The following USO1 variants were observed in gnomAD, a reference collection of about 807,000 sequenced individuals.
The protein encoded by USO1 is general vesicular transport factor p115.
USO1 carries 57 observed loss-of-function variants against 124.5 expected under a neutral mutation model. That is an observed-to-expected ratio of 0.46 (90% CI 0.37 to 0.57). USO1 has a LOEUF of 0.57. Among genes scored for constraint, USO1 ranks in the 20% least tolerant of loss-of-function variants. USO1 has a pLI of 0.00. For synonymous variants in USO1, 369 were observed against 362.8 expected (o/e 1.02, Z -0.19); for missense variants, 900 against 1,040.6 (o/e 0.86, Z 1.86).
At position 75,724,864 on chromosome 4, in the gene USO1, C is replaced by T. The variant is rs529676091; in HGVS notation, c.45C>T (p.Pro15=). The change falls in exon 1 of 24, where the codon CCC becomes CCT. Residue 15 remains proline, a synonymous_variant. Coordinates refer to ENST00000514213, the MANE Select transcript of USO1 (RefSeq NM_003715.4). ...RGVMGGQSAG[P]QHTEAETIQK... ...TAATGGGGGGTCAGAGTGCCGGACC[C>T]CAGCACACAGAAGCCGAGACGGTGA... The T allele has an allele frequency of 1.2e-6, 2 of 1,613,708 alleles. No homozygotes were observed. Among genetic ancestry groups the T allele is most frequent in the Non-Finnish European group, 1.7e-6 (2 of 1,179,760 alleles).
At chr4:75,786,390 C>T (rs1722361325) in intron 9 of USO1, among the ~76,000 whole-genome samples, 1 of 152,084 alleles carries the variant, frequency 6.6e-6, no homozygotes, top group Admixed American at 6.6e-5. Flanking sequence ...AGATTTTGCA[C>T]ATATATATAC....
rs768442457 is a variant in USO1, at chr4:75,813,538, G to A, written c.*243G>A. On this transcript the variant is annotated 3_prime_UTR_variant, in exon 24 of 24. Coordinates refer to ENST00000514213, the MANE Select transcript of USO1 (RefSeq NM_003715.4). ...TGTCCCAAAATGTAATTTGCAAAGA[G>A]CTTCAAACACCAAAAATATACCATT... 22 of 305,764 alleles carry A rather than the reference G, an allele frequency of 7.2e-5. No individual in the cohort carries two copies. The highest frequency in any genetic ancestry group is 1.1e-4 in the Non-Finnish European group (19 of 171,786). The allele number at this position is 305,764 out of a possible 1,614,324, so 18.9% of individuals were successfully genotyped here.
At chr4:75,777,185 A>T (rs1722094345) in intron 8 of USO1, among the ~76,000 whole-genome samples, 1 of 152,200 alleles carries the variant, frequency 6.6e-6, no homozygotes. Context: ...ACTTAAATTT[A>T]ATTTTCAGCA....
intron 1 of USO1, among the ~76,000 whole-genome samples, chr4:75,733,935 ATTTTTTTTTTT>A (rs869308522): frequency 4.4e-4 from 34 of 77,088 alleles, no homozygotes; most frequent in African/African-American, 1.6e-3. Flanking sequence ...TTCTTCGAGG[ATTTTTTTTTTT>A]TTTTTTTTTT....
chr4:75,790,585 G>T, intron 11 of USO1, 58 bp from the exon 12 acceptor site: 1 of 1,550,762 alleles, frequency 6.4e-7, no homozygotes, highest in South Asian at 1.2e-5. Flanking sequence ...ACTAGTTATT[G>T]ACTTGTATAC....
chr4:75,779,982 T>C (rs1195440767), intron 8 of USO1, among the ~76,000 whole-genome samples: 1 of 152,174 alleles, frequency 6.6e-6, no homozygotes, highest in African/African-American at 2.4e-5. Flanking sequence ...TTGAAGCCAG[T>C]GCTCACTTAC....
At chr4:75,812,068 A>G in intron 22 of USO1, 92 bp from the exon 23 acceptor site, 1 of 1,524,678 alleles carries the variant, frequency 6.6e-7, no homozygotes, top group Admixed American at 2.2e-5. Flanking sequence ...GAACAAGTAC[A>G]GTGATTTGTC....
At chr4:75,729,045 C>G (rs1286284470) in intron 1 of USO1, among the ~76,000 whole-genome samples, 1 of 152,180 alleles carries the variant, frequency 6.6e-6, no homozygotes, top group East Asian at 1.9e-4. Flanking sequence ...ATCCGCCTGC[C>G]TTGGCCTCCC....
At chr4:75,803,380 G>T (rs186987971) in intron 17 of USO1, among the ~76,000 whole-genome samples, 1 of 151,766 alleles carries the variant, frequency 6.6e-6, no homozygotes, top group Non-Finnish European at 1.5e-5. Flanking sequence ...GGGCACGGTG[G>T]CTCACGCCTG....
Position 75,778,270 on chromosome 4 carries a change from G to A in USO1, c.676+3474G>A, listed in dbSNP as rs369590806. 5.3e-5 allele frequency among the ~76,000 whole-genome samples: 8 copies of A among 152,040 alleles called. 1 individual carries two copies. The highest frequency in any genetic ancestry group is 1.4e-4 in the African/African-American group (6 of 41,404). On this transcript the variant is annotated intron_variant, in intron 8 of 23. Coordinates refer to ENST00000514213, the MANE Select transcript of USO1 (RefSeq NM_003715.4). ...AGCAGTGGATTAATACATTTTGTACGTTGTATGTATTATATACTCGATTTT... is the reference window on the plus strand; with the variant it reads ...AGCAGTGGATTAATACATTTTGTACATTGTATGTATTATATACTCGATTTT...
intron 1 of USO1, among the ~76,000 whole-genome samples, chr4:75,737,052 G>T (rs1720812523): frequency 6.6e-6 from 1 of 152,170 alleles, no homozygotes; most frequent in South Asian, 2.1e-4. Flanking sequence ...TTGAGGATGT[G>T]GCTAGTGCTC....
At chr4:75,742,400 C>T (rs1720989881) in intron 1 of USO1, among the ~76,000 whole-genome samples, 1 of 152,148 alleles carries the variant, frequency 6.6e-6, no homozygotes, top group Non-Finnish European at 1.5e-5. Context: ...CCATTGTTGA[C>T]TTGAATGTCG....
intron 14 of USO1, 90 bp from the exon 15 acceptor site, chr4:75,800,261 C>G (rs13145290): frequency 0.6 from 834,339 of 1,399,378 alleles, 253,104 homozygotes; most frequent in East Asian, 0.83. Context: ...CTTATGGGAA[C>G]TCTTATGTGA....
intron 20 of USO1, 94 bp from the exon 21 acceptor site, chr4:75,808,859 T>C: frequency 7.3e-7 from 1 of 1,374,360 alleles, no homozygotes; most frequent in South Asian, 1.4e-5. Flanking sequence ...AAGTAGGAGG[T>C]TGTAAATCAT....
intron 3 of USO1, among the ~76,000 whole-genome samples, chr4:75,753,815 G>T (rs1423227100): frequency 7.9e-6 from 1 of 126,236 alleles, no homozygotes; most frequent in African/African-American, 3.1e-5. Flanking sequence ...ATTAAGTCTC[G>T]CTCTGTCGCC....
intron 1 of USO1, among the ~76,000 whole-genome samples, chr4:75,738,812 G>A (rs1409910085): frequency 6.6e-6 from 1 of 151,842 alleles, no homozygotes; most frequent in Non-Finnish European, 1.5e-5. Flanking sequence ...TATCCTTTAA[G>A]TTCTGTCAGA....
intron 9 of USO1, among the ~76,000 whole-genome samples, chr4:75,783,704 G>A (rs1457565581): frequency 1.3e-5 from 2 of 152,136 alleles, no homozygotes; most frequent in East Asian, 3.9e-4. Context: ...GCATAGGACT[G>A]ATAATTAGGG....
At chr4:75,770,794 T>A in intron 5 of USO1, 28 bp from the exon 6 acceptor site, 1 of 1,586,150 alleles carries the variant, frequency 6.3e-7, no homozygotes, top group Non-Finnish European at 8.5e-7. Flanking sequence ...ATTACAGATG[T>A]TAAATATTTT....
At chr4:75,738,887 C>G (rs1720872310) in intron 1 of USO1, among the ~76,000 whole-genome samples, 1 of 151,874 alleles carries the variant, frequency 6.6e-6, no homozygotes. Flanking sequence ...GAGTCTCACC[C>G]TGTTGCCCAG....
Sources: gnomAD v4.1 joint callset for allele counts (sites outside exome capture counted in the v4.1 genomes callset) on GRCh38, gnomAD v4.1.1 for gene constraint, MANE v1.5 for transcripts, NCBI Gene and HGNC (gene_info 2026-07-23, HGNC 2026-07-21) for gene names.